SMG5: variants seen among roughly 807,000 people sequenced by gnomAD.
SMG5 encodes SMG5 nonsense mediated mRNA decay factor.
A neutral mutation model predicts 122.9 loss-of-function variants in SMG5; 53 were observed. The ratio of observed to expected loss-of-function variants is 0.43; its 90% CI spans 0.35 to 0.54. SMG5 has a LOEUF of 0.54. Ranked by LOEUF, SMG5 falls within the 20% of genes least tolerant of loss-of-function variation. The pLI, the probability that SMG5 is intolerant of heterozygous loss-of-function variation, is 0.01. For synonymous variants in SMG5, 477 were observed against 490.2 expected (o/e 0.97, Z 0.35); for missense variants, 1,153 against 1,285.6 (o/e 0.90, Z 1.58).
intron 1 of SMG5, 28 bp downstream of exon 1, chr1:156,282,579 G>A (rs764266899): frequency 2.5e-6 from 4 of 1,595,016 alleles, no homozygotes; most frequent in Non-Finnish European, 3.4e-6. Flanking sequence ...TCCCTCGGTG[G>A]CTGCTCTCAC....
At chr1:156,280,327 C>T (rs1393429067) in intron 1 of SMG5, among the ~76,000 whole-genome samples, 5 of 152,204 alleles carry the variant, frequency 3.3e-5, no homozygotes, top group Admixed American at 6.5e-5. Context: ...GACGTGCTCC[C>T]GGGCCAGGAA....
Position 156,261,322 on chromosome 1 carries a change from G to A in SMG5, c.2107+11C>T. 6.2e-7 allele frequency: 1 copy of A among 1,613,400 alleles called. No homozygotes were observed. Among genetic ancestry groups the A allele is most frequent in the Non-Finnish European group, 8.5e-7 (1 of 1,179,358 alleles). On this transcript the variant is annotated intron_variant, in intron 14 of 21. Transcript: ENST00000361813. ...GCAAAGAAAGGAGGGTAGTGCCAGGGACCCACTCACCAGACTCCTGGAGTT... is the reference window on the plus strand; with the variant it reads ...GCAAAGAAAGGAGGGTAGTGCCAGGAACCCACTCACCAGACTCCTGGAGTT...
chr1:156,261,401 T>G lies in SMG5; in HGVS notation c.2039A>C (p.Gln680Pro), dbSNP rs1482057207. 1.9e-6 allele frequency: 3 copies of G among 1,613,798 alleles called. No homozygotes were observed. The African/African-American group carries it at 4.0e-5, about 22-fold the overall frequency. ...DLIIVCAQSS[Q>P]SLWNRLSVLL... ...CACAGACAGGCGGTTCCACAGACTT[T>G]GAGAGCTCTGGGGAGAGAGAAGGGA... is the stretch of plus-strand genomic sequence containing the variant. Residue 680 changes from glutamine to proline, a missense_variant, in exon 14 of 22, where the codon CAA (glutamine) becomes CCA (proline). Gln to Pro is a moderately conservative substitution (Grantham distance 76). Transcript: ENST00000361813.
intron 12 of SMG5, among the ~76,000 whole-genome samples, chr1:156,265,181 G>A (rs1422078804): frequency 6.6e-6 from 1 of 150,988 alleles, no homozygotes; most frequent in African/African-American, 2.4e-5. Context: ...CCAAGATGGC[G>A]CCACTGCACT....
intron 7 of SMG5, among the ~76,000 whole-genome samples, chr1:156,270,547 G>A (rs74996533): frequency 0.073 from 11,116 of 152,302 alleles, 562 homozygotes; most frequent in Non-Finnish European, 0.11. Context: ...TAAACCATGA[G>A]AGAGAATTGT....
intron 1 of SMG5, among the ~76,000 whole-genome samples, chr1:156,281,140 T>A (rs906609310): frequency 7.2e-5 from 11 of 152,180 alleles, no homozygotes; most frequent in Non-Finnish European, 1.3e-4. Context: ...TAATAAATTA[T>A]AAAAACAGTG....
At chr1:156,252,012 C>A (rs1661377095) in intron 19 of SMG5, among the ~76,000 whole-genome samples, 1 of 152,120 alleles carries the variant, frequency 6.6e-6, no homozygotes, top group Non-Finnish European at 1.5e-5. Context: ...AGCCCCTGGG[C>A]AGCCTGGATG....
At chr1:156,274,721 T>C (rs772406741) in intron 4 of SMG5, 35 bp from the exon 5 acceptor site, 11 of 1,557,198 alleles carry the variant, frequency 7.1e-6, no homozygotes, top group African/African-American at 1.4e-5. Flanking sequence ...TGTAGGCCCA[T>C]TCTTCTGCCT....
upstream of SMG5, chr1:156,285,375 G>C: frequency 6.3e-7 from 1 of 1,582,570 alleles, no homozygotes; most frequent in Non-Finnish European, 8.6e-7. Flanking sequence ...CTCAGAGTGG[G>C]GTCTTCAGCT....
chr1:156,253,415 G>A (rs1380263629), intron 17 of SMG5, 34 bp downstream of exon 17: 2 of 1,608,790 alleles, frequency 1.2e-6, no homozygotes, highest in African/African-American at 1.3e-5. Context: ...GCTCTACCAA[G>A]TGCAGAAGAA....
chr1:156,251,229 G>C, intron 20 of SMG5, 174 bp downstream of exon 20: 1 of 926,364 alleles, frequency 1.1e-6, no homozygotes, highest in Non-Finnish European at 1.7e-6. Flanking sequence ...CAGAGGAAAA[G>C]CTCAGGTGCT....
intron 5 of SMG5, among the ~76,000 whole-genome samples, chr1:156,273,988 C>T (rs1346509298): frequency 6.6e-6 from 1 of 152,116 alleles, no homozygotes; most frequent in East Asian, 1.9e-4. Flanking sequence ...ACTAATGATA[C>T]TCTGGTTCAT....
intron 16 of SMG5, among the ~76,000 whole-genome samples, chr1:156,255,364 C>T (rs889477841): frequency 6.6e-6 from 1 of 151,058 alleles, no homozygotes; most frequent in African/African-American, 2.4e-5. Flanking sequence ...CATGGTGAAA[C>T]CCCGTCTCTA....
At chr1:156,288,408 T>C in the SMG5 span, among the ~76,000 whole-genome samples, 1 of 151,582 alleles carries the variant, frequency 6.6e-6, no homozygotes, top group East Asian at 1.9e-4. Flanking sequence ...CAATCTTGGC[T>C]CACTACAACT....
At chr1:156,274,453 G>GA (rs1337730710) in intron 5 of SMG5, 144 bp downstream of exon 5, 18 of 692,166 alleles carry the variant, frequency 2.6e-5, no homozygotes, top group Non-Finnish European at 4.4e-5. Context: ...AGGGATCACT[G>GA]AAACAGATGG....
chr1:156,272,208 C>T, intron 7 of SMG5, 112 bp downstream of exon 7: 1 of 947,776 alleles, frequency 1.1e-6, no homozygotes. Context: ...TCAATCTTAG[C>T]ATTCCCCTAT....
chr1:156,253,257 A>G (rs1661433532), intron 17 of SMG5, among the ~76,000 whole-genome samples, 179 bp from the exon 18 acceptor site: 1 of 152,134 alleles, frequency 6.6e-6, no homozygotes, highest in Non-Finnish European at 1.5e-5. Flanking sequence ...AGAGGGAGAG[A>G]CAGAAATGAA....
upstream of SMG5, chr1:156,285,074 G>T: frequency 1.1e-6 from 1 of 871,142 alleles, no homozygotes; most frequent in Non-Finnish European, 1.6e-6. Flanking sequence ...GGCTCCAGAA[G>T]GGGCCAAAAC....
intron 16 of SMG5, among the ~76,000 whole-genome samples, chr1:156,255,965 G>A (rs544866627): frequency 6.6e-6 from 1 of 152,080 alleles, no homozygotes; most frequent in Non-Finnish European, 1.5e-5. Flanking sequence ...CCAAATTGAG[G>A]GACACTATGA....
Sources: allele counts gnomAD v4.1 joint callset (sites outside exome capture counted in the v4.1 genomes callset), GRCh38; gene constraint gnomAD v4.1.1; transcripts MANE v1.5; gene names NCBI Gene and HGNC (gene_info 2026-07-23, HGNC 2026-07-21).